The following EYS variants were observed in gnomAD, a reference collection of about 807,000 sequenced individuals.
EYS encodes the protein EGF-like photoreceptor maintenance factor.
Under a neutral mutation model 282.1 loss-of-function variants are expected in EYS, and 250 were observed. The ratio of observed to expected loss-of-function variants is 0.89; its 90% CI spans 0.80 to 0.98. The LOEUF (loss-of-function observed/expected upper bound fraction) is 0.98, where lower values mean the gene tolerates loss of function less well. Among genes scored for constraint, EYS ranks in the 50% least tolerant of loss-of-function variants. EYS has a pLI of 0.00. For missense variants in EYS, 4,016 were observed against 3,709.0 expected, an observed-to-expected ratio of 1.08 and a Z score of -2.15; for synonymous variants, 1,355 against 1,282.9, an observed-to-expected ratio of 1.06 and a Z score of -1.20.
Position 64,637,967 on chromosome 6 carries a change from A to T in EYS, c.3444-11722T>A, listed in dbSNP as rs1458934920. ...TACAGTAGCATGCTATTTCTAGATC[A>T]CCTTTTAAAAAAAAGAGAATGAATA... On this transcript the variant is annotated intron_variant, in intron 22 of 42. Coordinates refer to ENST00000503581, the MANE Select transcript of EYS (RefSeq NM_001142800.2). 1.2e-4 allele frequency among the ~76,000 whole-genome samples: 11 copies of T among 89,060 alleles called. 4 individuals carry two copies. Among genetic ancestry groups the T allele is most frequent in the Non-Finnish European group, 7.2e-5 (3 of 41,626 alleles). The allele number at this position is 89,060 out of a possible 152,430, so 58.4% of individuals were successfully genotyped here.
rs181300187 is a variant in EYS at position 65,070,975 on chromosome 6, A to C, written c.2024-13248T>G. 2.5e-3 allele frequency among the ~76,000 whole-genome samples: 385 copies of C among 151,992 alleles called. 1 individual carries two copies. The highest frequency in any genetic ancestry group is 8.8e-3 in the African/African-American group (367 of 41,512). On this transcript the variant is annotated intron_variant, in intron 12 of 42. Coordinates refer to ENST00000503581, the MANE Select transcript of EYS (RefSeq NM_001142800.2). ...CATTATTTAGAAATCACCTATACAT[A>C]CATTTGTCACTTTTTTATTTCACAG...
intron 35 of EYS, among the ~76,000 whole-genome samples, chr6:63,919,828 G>A (rs1388570058): frequency 6.6e-6 from 1 of 152,224 alleles, no homozygotes; most frequent in East Asian, 1.9e-4. Flanking sequence ...TTTTTTGTGT[G>A]CTGCAGCAGC....
At chr6:63,827,134 A>G (rs1026736718) in intron 36 of EYS, among the ~76,000 whole-genome samples, 2 of 152,192 alleles carry the variant, frequency 1.3e-5, no homozygotes, top group African/African-American at 4.8e-5. Context: ...TTCTTATATC[A>G]GAGAAATGAA....
intron 26 of EYS, among the ~76,000 whole-genome samples, chr6:64,455,417 T>C (rs996792147): frequency 1.3e-5 from 2 of 150,650 alleles, no homozygotes; most frequent in East Asian, 2.0e-4. Flanking sequence ...AGTTTAAAGT[T>C]TTCTGTTCTT....
intron 22 of EYS, among the ~76,000 whole-genome samples, chr6:64,720,603 C>CT (rs1771545719): frequency 6.6e-6 from 1 of 152,148 alleles, no homozygotes; most frequent in Non-Finnish European, 1.5e-5. Context: ...CCTAGAGTCT[C>CT]TTTTTGCTTC....
At chr6:64,697,644 C>T (rs766075875) in intron 22 of EYS, among the ~76,000 whole-genome samples, 1 of 152,078 alleles carries the variant, frequency 6.6e-6, no homozygotes, top group African/African-American at 2.4e-5. Flanking sequence ...TTAACAAAAC[C>T]AGTCTCAATA....
At chr6:64,789,824 T>A (rs1377990289) in intron 22 of EYS, among the ~76,000 whole-genome samples, 2 of 151,870 alleles carry the variant, frequency 1.3e-5, no homozygotes, top group African/African-American at 4.8e-5. Context: ...TCAGTAAGTA[T>A]CTGATAAGCC....
chr6:64,377,355 C>T (rs986629386), intron 29 of EYS, among the ~76,000 whole-genome samples: 2 of 152,134 alleles, frequency 1.3e-5, no homozygotes, highest in Non-Finnish European at 2.9e-5. Flanking sequence ...TTAAAAGTCA[C>T]TCAAAGTAGA....
At chr6:64,532,387 G>T (rs1764374435) in intron 26 of EYS, among the ~76,000 whole-genome samples, 1 of 152,134 alleles carries the variant, frequency 6.6e-6, no homozygotes, top group South Asian at 2.1e-4. Flanking sequence ...CCCTCAGTTT[G>T]GCAAACTAGG....
chr6:64,854,512 T>C (rs1362398431), intron 19 of EYS, among the ~76,000 whole-genome samples: 2 of 147,870 alleles, frequency 1.4e-5, no homozygotes, highest in Non-Finnish European at 3.0e-5. Context: ...AAACACTGCA[T>C]GTTCTCACTC....
intron 19 of EYS, among the ~76,000 whole-genome samples, chr6:64,878,402 C>T (rs1040636595): frequency 6.6e-6 from 1 of 152,000 alleles, no homozygotes; most frequent in East Asian, 1.9e-4. Flanking sequence ...CTTTTATTTT[C>T]TCAGGGATAT....
intron 12 of EYS, among the ~76,000 whole-genome samples, chr6:65,143,129 G>T (rs1561988182): frequency 6.6e-6 from 1 of 151,906 alleles, no homozygotes; most frequent in African/African-American, 2.4e-5. Context: ...CAGTACTAGT[G>T]TCCACACACC....
intron 12 of EYS, among the ~76,000 whole-genome samples, chr6:65,166,653 G>A (rs1323206650): frequency 1.3e-5 from 2 of 150,946 alleles, no homozygotes; most frequent in East Asian, 2.0e-4. Context: ...TCATGACCTT[G>A]GATTAAGCAA....
chr6:64,753,809 C>A (rs1218742551), intron 22 of EYS, among the ~76,000 whole-genome samples: 2 of 152,044 alleles, frequency 1.3e-5, no homozygotes, highest in African/African-American at 2.4e-5. Context: ...ATATATTCTT[C>A]TCTTGAGTGC....
intron 5 of EYS, among the ~76,000 whole-genome samples, chr6:65,419,628 CAAGT>C (rs976333681): frequency 6.6e-6 from 1 of 151,712 alleles, no homozygotes; most frequent in African/African-American, 2.4e-5. Flanking sequence ...AAAAATAAAG[CAAGT>C]AATATTCATT....
intron 12 of EYS, among the ~76,000 whole-genome samples, chr6:65,257,881 T>C (rs1767512613): frequency 6.6e-6 from 1 of 151,886 alleles, no homozygotes; most frequent in South Asian, 2.1e-4. Flanking sequence ...GTAAAGATGG[T>C]TAATGAGTTC....
At chr6:64,486,494 G>A (rs1274929591) in intron 26 of EYS, among the ~76,000 whole-genome samples, 1 of 151,394 alleles carries the variant, frequency 6.6e-6, no homozygotes, top group Non-Finnish European at 1.5e-5. Flanking sequence ...ATAACTCATT[G>A]TCAAATTATT....
At chr6:65,003,191 C>G (rs1771522603) in intron 13 of EYS, among the ~76,000 whole-genome samples, 1 of 147,522 alleles carries the variant, frequency 6.8e-6, no homozygotes, top group African/African-American at 2.4e-5. Context: ...AATTCTTTTT[C>G]TCAGCAAGGA....
At chr6:64,359,769 A>G (rs1391520441) in intron 29 of EYS, among the ~76,000 whole-genome samples, 1 of 151,654 alleles carries the variant, frequency 6.6e-6, no homozygotes, top group Non-Finnish European at 1.5e-5. Flanking sequence ...CAACAACCCT[A>G]TTGGATTAGG....
Sources: allele counts gnomAD v4.1 joint callset (sites outside exome capture counted in the v4.1 genomes callset), GRCh38; gene constraint gnomAD v4.1.1; transcripts MANE v1.5; gene names NCBI Gene and HGNC (gene_info 2026-07-23, HGNC 2026-07-21).